MALRD1: variants seen among roughly 807,000 people sequenced by gnomAD.
The protein encoded by MALRD1 is MAM and LDL-receptor class A domain-containing protein 1.
Under a neutral mutation model 242.1 loss-of-function variants are expected in MALRD1, and 247 were observed. That is an observed-to-expected ratio of 1.02 (90% CI 0.92 to 1.13). The LOEUF (loss-of-function observed/expected upper bound fraction) is 1.13, where lower values mean the gene tolerates loss of function less well. MALRD1 is among the 50% of genes most tolerant of loss of function. The pLI, the probability that MALRD1 is intolerant of heterozygous loss-of-function variation, is 0.00. For missense variants in MALRD1, 2,989 were observed against 2,533.1 expected (o/e 1.18, Z -3.86); for synonymous variants, 995 against 866.6 (o/e 1.15, Z -2.60).
chr10:19,730,160 A>T lies in MALRD1; in HGVS notation c.6315-546A>T, dbSNP rs533239803. ...TATTACCAAGGGCTTGCTGTTTTTG[A>T]GTTTCATGAAACACTACCCTAAAGA... On this transcript the variant is annotated intron_variant, in intron 38 of 39. Coordinates refer to ENST00000454679, the MANE Select transcript of MALRD1 (RefSeq NM_001142308.3). Among the ~76,000 whole-genome samples, 9 of 152,298 alleles carry T rather than the reference A, an allele frequency of 5.9e-5. No individual in the cohort carries two copies. In the South Asian group the frequency reaches 1.9e-3, roughly 32 times the overall value.
At chr10:19,604,525 A>G (rs750913597) in intron 34 of MALRD1, among the ~76,000 whole-genome samples, 17 of 152,200 alleles carry the variant, frequency 1.1e-4, no homozygotes, top group Non-Finnish European at 2.4e-4. Flanking sequence ...GAAAGAAACT[A>G]TCACCATAAC....
chr10:19,726,315 A>G (rs1450187202), intron 38 of MALRD1, among the ~76,000 whole-genome samples: 2 of 152,234 alleles, frequency 1.3e-5, no homozygotes, highest in Non-Finnish European at 1.5e-5. Context: ...TTCAAAGAAG[A>G]TTACATATAG....
intron 18 of MALRD1, among the ~76,000 whole-genome samples, chr10:19,224,938 C>A (rs2131675812): frequency 6.6e-6 from 1 of 152,204 alleles, no homozygotes; most frequent in South Asian, 2.1e-4. Flanking sequence ...ATGGTATTGG[C>A]TAGGTTTTCT....
chr10:19,149,770 A>G (rs1443290187), intron 11 of MALRD1, among the ~76,000 whole-genome samples: 2 of 152,188 alleles, frequency 1.3e-5, no homozygotes, highest in Non-Finnish European at 1.5e-5. Flanking sequence ...TTGTGTAACC[A>G]TCACAAAAAT....
At chr10:19,181,961 A>T (rs2131559788) in intron 14 of MALRD1, among the ~76,000 whole-genome samples, 1 of 152,272 alleles carries the variant, frequency 6.6e-6, no homozygotes. Flanking sequence ...ACAAGTAGCT[A>T]TTTTAACTCT....
chr10:19,416,895 C>T (rs1170581033), intron 28 of MALRD1, among the ~76,000 whole-genome samples: 2 of 152,166 alleles, frequency 1.3e-5, no homozygotes, highest in East Asian at 3.9e-4. Context: ...ACTGACCAAT[C>T]CCTAAAACTC....
intron 18 of MALRD1, among the ~76,000 whole-genome samples, chr10:19,224,783 G>T (rs918791492): frequency 2.6e-5 from 4 of 152,084 alleles, no homozygotes; most frequent in African/African-American, 9.7e-5. Context: ...CACTCTGTAG[G>T]TTGTGTGTTC....
intron 21 of MALRD1, among the ~76,000 whole-genome samples, chr10:19,310,917 T>A (rs1339341262): frequency 1.3e-5 from 2 of 151,498 alleles, no homozygotes; most frequent in African/African-American, 4.8e-5. Context: ...CATGAGTCTG[T>A]AAGCATCTCA....
chr10:19,694,589 A>G (rs1428701792), intron 38 of MALRD1, among the ~76,000 whole-genome samples: 1 of 152,172 alleles, frequency 6.6e-6, no homozygotes, highest in African/African-American at 2.4e-5. Flanking sequence ...GCTAGAGAGG[A>G]TCTGGAGAAA....
chr10:19,407,663 C>T (rs1219656160), intron 28 of MALRD1, among the ~76,000 whole-genome samples: 1 of 152,008 alleles, frequency 6.6e-6, no homozygotes. Flanking sequence ...ACTCTAAATA[C>T]CCAAATGTTG....
intron 28 of MALRD1, among the ~76,000 whole-genome samples, chr10:19,446,301 C>T (rs1284567618): frequency 6.6e-6 from 1 of 152,058 alleles, no homozygotes; most frequent in African/African-American, 2.4e-5. Context: ...GTCCAACAAG[C>T]CCCAGTGAGT....
At chr10:19,297,091 A>G (rs987687357) in intron 21 of MALRD1, among the ~76,000 whole-genome samples, 1 of 150,190 alleles carries the variant, frequency 6.7e-6, no homozygotes, top group Non-Finnish European at 1.5e-5. Context: ...CTTTATTTAT[A>G]TATAAATATA....
chr10:19,278,443 GTCCATCCATCCATCCA>G (rs150208541), intron 19 of MALRD1, among the ~76,000 whole-genome samples: 3 of 149,060 alleles, frequency 2.0e-5, no homozygotes, highest in Non-Finnish European at 3.0e-5. Context: ...TCATTCATCT[GTCCATCCATCCATCCA>G]TCCATCCATC....
intron 21 of MALRD1, among the ~76,000 whole-genome samples, chr10:19,288,502 C>G (rs1841249821): frequency 1.3e-5 from 2 of 151,970 alleles, no homozygotes; most frequent in South Asian, 4.2e-4. Context: ...GTGTCATTTT[C>G]TTTACATTTT....
At chr10:19,682,870 A>G (rs1344394615) in intron 36 of MALRD1, among the ~76,000 whole-genome samples, 1 of 152,268 alleles carries the variant, frequency 6.6e-6, no homozygotes, top group Middle Eastern at 3.4e-3. Flanking sequence ...AGCCCTTCTG[A>G]TGGGATAGAA....
chr10:19,170,860 G>T (rs1347406447), intron 13 of MALRD1, among the ~76,000 whole-genome samples: 1 of 152,058 alleles, frequency 6.6e-6, no homozygotes, highest in Non-Finnish European at 1.5e-5. Flanking sequence ...ATTAAAACAA[G>T]TGAATGTGAC....
chr10:19,530,593 A>G (rs1281185822), intron 31 of MALRD1, among the ~76,000 whole-genome samples: 1 of 150,308 alleles, frequency 6.7e-6, no homozygotes, highest in Non-Finnish European at 1.5e-5. Flanking sequence ...CTACCCACAA[A>G]GGGGAATGAT....
At chr10:19,606,401 A>G (rs145699776) in intron 34 of MALRD1, among the ~76,000 whole-genome samples, 15 of 152,252 alleles carry the variant, frequency 9.9e-5, no homozygotes, top group African/African-American at 3.4e-4. Context: ...ATCAGAGGAA[A>G]ACAAAGCTGT....
chr10:19,049,179 A>T, intron 1 of MALRD1, 42 bp downstream of exon 1: 3 of 1,230,822 alleles, frequency 2.4e-6, no homozygotes, highest in Non-Finnish European at 3.0e-6. Flanking sequence ...TTCCCCGTAC[A>T]GCCTGAAACG....
Sources: gnomAD v4.1 joint callset for allele counts (sites outside exome capture counted in the v4.1 genomes callset) on GRCh38, gnomAD v4.1.1 for gene constraint, MANE v1.5 for transcripts, NCBI Gene and HGNC (gene_info 2026-07-23, HGNC 2026-07-21) for gene names.